The following DMRT1 variants were observed in gnomAD, a reference collection of about 807,000 sequenced individuals.
DMRT1 encodes doublesex and mab-3 related transcription factor 1.
DMRT1 carries 7 observed loss-of-function variants against 32.3 expected under a neutral mutation model. The observed-to-expected ratio is 0.22, with a 90% CI of 0.12 to 0.41. DMRT1 has a LOEUF of 0.41. Among genes scored for constraint, DMRT1 ranks in the 10% least tolerant of loss-of-function variants. The pLI, the probability that DMRT1 is intolerant of heterozygous loss-of-function variation, is 1.00. For synonymous variants in DMRT1, 278 were observed against 206.1 expected, an observed-to-expected ratio of 1.35 and a Z score of -2.99; for missense variants, 625 against 500.5, an observed-to-expected ratio of 1.25 and a Z score of -2.37.
At chr9:849,612 A>G (rs1839051849) in intron 2 of DMRT1, among the ~76,000 whole-genome samples, 1 of 152,214 alleles carries the variant, frequency 6.6e-6, no homozygotes, top group Non-Finnish European at 1.5e-5. Flanking sequence ...GGGGGGCAAG[A>G]TAGAGGGTTC....
At chr9:927,749 C>T (rs1818575523) in intron 4 of DMRT1, among the ~76,000 whole-genome samples, 1 of 152,092 alleles carries the variant, frequency 6.6e-6, no homozygotes, top group Admixed American at 6.6e-5. Flanking sequence ...AATTGTTGTC[C>T]GTTGAAATTG....
chr9:953,073 CATACAT>C (rs1464022954), intron 4 of DMRT1, among the ~76,000 whole-genome samples: 2 of 152,166 alleles, frequency 1.3e-5, no homozygotes, highest in Admixed American at 1.3e-4. Context: ...GGTTATTTTG[CATACAT>C]GCTTTGTGTG....
chr9:888,029 A>T (rs955466894), intron 2 of DMRT1, among the ~76,000 whole-genome samples: 2 of 152,234 alleles, frequency 1.3e-5, no homozygotes, highest in Non-Finnish European at 1.5e-5. Context: ...ATTACCCAGA[A>T]GTCTTCTGAA....
At chr9:855,513 A>G (rs1383752418) in intron 2 of DMRT1, among the ~76,000 whole-genome samples, 3 of 152,244 alleles carry the variant, frequency 2.0e-5, no homozygotes, top group African/African-American at 7.2e-5. Flanking sequence ...TTGAAGCTCT[A>G]TTTTAAAATA....
chr9:864,735 T>TAG (rs1815897191), intron 2 of DMRT1, among the ~76,000 whole-genome samples: 1 of 146,856 alleles, frequency 6.8e-6, no homozygotes, highest in Non-Finnish European at 1.5e-5. Flanking sequence ...CTCCTAACCT[T>TAG]GCGATCCGCC....
chr9:885,175 G>A (rs1816878465), intron 2 of DMRT1, among the ~76,000 whole-genome samples: 2 of 152,208 alleles, frequency 1.3e-5, no homozygotes, highest in Admixed American at 1.3e-4. Flanking sequence ...GTGTCTAGGG[G>A]TGAATGTTTA....
At chr9:897,174 G>A (rs779994409) in intron 3 of DMRT1, among the ~76,000 whole-genome samples, 13 of 151,172 alleles carry the variant, frequency 8.6e-5, no homozygotes, top group Non-Finnish European at 1.3e-4. Flanking sequence ...GTGCAGTGGC[G>A]CCATCTCGGC....
At chr9:845,082 C>G (rs1476581573) in intron 1 of DMRT1, among the ~76,000 whole-genome samples, 1 of 152,198 alleles carries the variant, frequency 6.6e-6, no homozygotes, top group Non-Finnish European at 1.5e-5. Context: ...TTGGGCAGCT[C>G]TGCGGTGTGG....
intron 4 of DMRT1, among the ~76,000 whole-genome samples, chr9:932,721 C>G (rs539364688): frequency 4.6e-5 from 7 of 152,244 alleles, no homozygotes; most frequent in African/African-American, 1.7e-4. Flanking sequence ...ACATTTCTAC[C>G]CAGCTGGCTA....
intron 4 of DMRT1, among the ~76,000 whole-genome samples, chr9:947,098 A>G (rs1355125010): frequency 2.1e-4 from 32 of 152,202 alleles, no homozygotes; most frequent in Admixed American, 2.1e-3. Context: ...GGATGGAGGA[A>G]TTGAACCCTA....
Position 866,370 on chromosome 9 carries a change from A to G in DMRT1, c.538+19227A>G, listed in dbSNP as rs145764806. On this transcript the variant is annotated intron_variant, in intron 2 of 4. Coordinates refer to ENST00000382276, the MANE Select transcript of DMRT1 (RefSeq NM_021951.3). Reference sequence around the variant, plus strand: ...GGGTGGGACAAGGGAATGTCATAATATTTCAGACCCCTTGACGTCACCACC... The same window carrying G: ...GGGTGGGACAAGGGAATGTCATAATGTTTCAGACCCCTTGACGTCACCACC... 3.2e-3 allele frequency among the ~76,000 whole-genome samples: 480 copies of G among 152,178 alleles called. 6 individuals are homozygous for G. Among genetic ancestry groups the G allele is most frequent in the African/African-American group, 0.011 (471 of 41,510 alleles).
rs144926622 is a variant in DMRT1 at position 888,621 on chromosome 9, T to G, written c.539-5291T>G. On this transcript the variant is annotated intron_variant, in intron 2 of 4. Coordinates refer to ENST00000382276, the MANE Select transcript of DMRT1 (RefSeq NM_021951.3). ...GACCTCATTTGTTGTATACTTTTAT[T>G]TAATAGTCAGGACTGTCACAGCGAT... Among the ~76,000 whole-genome samples, 499 of 152,180 alleles carry G rather than the reference T, an allele frequency of 3.3e-3. 3 individuals are homozygous for G. The highest frequency in any genetic ancestry group is 0.011 in the African/African-American group (453 of 41,502).
chr9:841,910 G>T lies in DMRT1; in HGVS notation c.72G>T (p.Pro24=), dbSNP rs2132531722. 1 of 1,609,302 alleles carries T rather than the reference G, an allele frequency of 6.2e-7. No homozygotes were observed. Among genetic ancestry groups the T allele is most frequent in the East Asian group, 2.2e-5 (1 of 44,774 alleles). The change falls in exon 1 of 5, where the codon CCG becomes CCT. Residue 24 remains proline, a synonymous_variant. Transcript: ENST00000382276. ...SEAPHAPGVP[P]QGRAGGFGKA... ...CCCCTCACGCCCCCGGGGTACCGCC[G>T]CAGGGCAGAGCCGGGGGCTTTGGCA...
intron 4 of DMRT1, among the ~76,000 whole-genome samples, chr9:942,490 C>G (rs1175998104): frequency 6.6e-6 from 1 of 152,148 alleles, no homozygotes; most frequent in Non-Finnish European, 1.5e-5. Context: ...CGAAGCTGGT[C>G]TTGAACTCCT....
chr9:883,721 G>C (rs939892016), intron 2 of DMRT1, among the ~76,000 whole-genome samples: 2 of 151,420 alleles, frequency 1.3e-5, no homozygotes, highest in Non-Finnish European at 2.9e-5. Context: ...GAGCCTAGCA[G>C]TTGGAGGCTG....
At chr9:886,996 A>T (rs1035642583) in intron 2 of DMRT1, among the ~76,000 whole-genome samples, 1 of 152,190 alleles carries the variant, frequency 6.6e-6, no homozygotes, top group Non-Finnish European at 1.5e-5. Flanking sequence ...GGGAATCTGG[A>T]TTGCTTTCCT....
At chr9:875,297 G>T (rs1405340649) in intron 2 of DMRT1, among the ~76,000 whole-genome samples, 1 of 152,132 alleles carries the variant, frequency 6.6e-6, no homozygotes, top group Non-Finnish European at 1.5e-5. Flanking sequence ...AGTTACAGAT[G>T]ATACCAGGTG....
At chr9:957,444 G>T (rs1819635266) in intron 4 of DMRT1, among the ~76,000 whole-genome samples, 1 of 152,154 alleles carries the variant, frequency 6.6e-6, no homozygotes, top group African/African-American at 2.4e-5. Context: ...TTTCAGAAAA[G>T]CCTACACAGT....
In DMRT1 at chr9:858,348, A is replaced by G. The variant is rs145083193; in HGVS notation, c.538+11205A>G. On this transcript the variant is annotated intron_variant, in intron 2 of 4. Transcript: ENST00000382276. ...CATAGGGAACTTTTGGAAGGTCACAAAGGTCATCTGTGTCATCAGTGTCAC... is the reference window on the plus strand; with the variant it reads ...CATAGGGAACTTTTGGAAGGTCACAGAGGTCATCTGTGTCATCAGTGTCAC... 6.2e-3 allele frequency among the ~76,000 whole-genome samples: 944 copies of G among 152,194 alleles called. 5 individuals are homozygous for G. Among genetic ancestry groups the G allele is most frequent in the African/African-American group, 0.022 (912 of 41,530 alleles).
Sources: allele counts gnomAD v4.1 joint callset (sites outside exome capture counted in the v4.1 genomes callset), GRCh38; gene constraint gnomAD v4.1.1; transcripts MANE v1.5; gene names NCBI Gene and HGNC (gene_info 2026-07-23, HGNC 2026-07-21).